SCARA5: variants seen among roughly 807,000 people sequenced by gnomAD.
The protein encoded by SCARA5 is scavenger receptor class A member 5, also known as scavenger receptor class A, member 5 (putative).
A neutral mutation model predicts 46.3 loss-of-function variants in SCARA5; 45 were observed. The observed-to-expected ratio is 0.97, with a 90% CI of 0.76 to 1.24. The LOEUF (loss-of-function observed/expected upper bound fraction) is 1.24. SCARA5 is among the 50% of genes most tolerant of loss of function. The probability of loss-of-function intolerance (pLI) is 0.00; values close to 1 mark genes in which losing one functional copy is unlikely to be tolerated. For synonymous variants in SCARA5, 333 were observed against 306.5 expected (o/e 1.09, Z -0.90); for missense variants, 680 against 689.0 (o/e 0.99, Z 0.15).
intron 7 of SCARA5, among the ~76,000 whole-genome samples, chr8:27,896,917 C>A (rs566217233): frequency 6.6e-6 from 1 of 152,072 alleles, no homozygotes; most frequent in Non-Finnish European, 1.5e-5. Context: ...CATGGTGAAA[C>A]CCTGCCTCTA....
chr8:27,896,807 G>T (rs1285283306), intron 7 of SCARA5, among the ~76,000 whole-genome samples: 1 of 152,136 alleles, frequency 6.6e-6, no homozygotes, highest in Admixed American at 6.5e-5. Context: ...AAGAAAAGAG[G>T]CTGAGGCTGG....
intron 8 of SCARA5, among the ~76,000 whole-genome samples, chr8:27,875,562 G>A (rs1326091385): frequency 6.6e-6 from 1 of 152,166 alleles, no homozygotes; most frequent in Non-Finnish European, 1.5e-5. Flanking sequence ...TCCAGCAGGA[G>A]GAGCAGCACA....
At chr8:27,916,308 T>C (rs1480498463) in intron 4 of SCARA5, among the ~76,000 whole-genome samples, 3 of 152,240 alleles carry the variant, frequency 2.0e-5, no homozygotes, top group East Asian at 1.9e-4. Flanking sequence ...TGTGTATATG[T>C]ATGTGCATAT....
intron 7 of SCARA5, among the ~76,000 whole-genome samples, chr8:27,882,987 C>T (rs2129680275): frequency 6.6e-6 from 1 of 152,304 alleles, no homozygotes; most frequent in Admixed American, 6.5e-5. Flanking sequence ...CACTGCAGGA[C>T]TGTCATGCAA....
chr8:27,931,308 T>C (rs1807769302), intron 3 of SCARA5, among the ~76,000 whole-genome samples: 1 of 152,206 alleles, frequency 6.6e-6, no homozygotes, highest in African/African-American at 2.4e-5. Flanking sequence ...GTGATGAATT[T>C]ATCTCTGAAT....
At chr8:27,878,932 TAAG>T (rs1385411704) in intron 8 of SCARA5, among the ~76,000 whole-genome samples, 1 of 151,994 alleles carries the variant, frequency 6.6e-6, no homozygotes, top group Non-Finnish European at 1.5e-5. Flanking sequence ...CTATTAAAAA[TAAG>T]AAGAAAAGTT....
At chr8:27,890,900 G>A (rs77213215) in intron 7 of SCARA5, among the ~76,000 whole-genome samples, 2,850 of 152,288 alleles carry the variant, frequency 0.019, 122 homozygotes, top group East Asian at 0.15. Context: ...AAAATGCTGC[G>A]AGGCAGTTCC....
chr8:27,912,111 A>T (rs1342171204), intron 4 of SCARA5, among the ~76,000 whole-genome samples: 1 of 152,238 alleles, frequency 6.6e-6, no homozygotes, highest in Non-Finnish European at 1.5e-5. Flanking sequence ...ACTGTGAGAA[A>T]ATAAGCTTCT....
intron 8 of SCARA5, among the ~76,000 whole-genome samples, chr8:27,874,106 G>A (rs1289613392): frequency 2.0e-5 from 3 of 152,186 alleles, no homozygotes; most frequent in African/African-American, 4.8e-5. Flanking sequence ...CCATTCTGAT[G>A]AACAGAAAGA....
chr8:27,901,359 C>A (rs1313185243), intron 7 of SCARA5, among the ~76,000 whole-genome samples: 1 of 152,164 alleles, frequency 6.6e-6, no homozygotes, highest in East Asian at 1.9e-4. Flanking sequence ...TGGTTAGCGG[C>A]TCTTCCCGCA....
intron 2 of SCARA5, among the ~76,000 whole-genome samples, chr8:27,975,533 G>T (rs1808509694): frequency 6.6e-6 from 1 of 152,118 alleles, no homozygotes; most frequent in Non-Finnish European, 1.5e-5. Context: ...GCTACCACCA[G>T]GTGCATCGCA....
At chr8:27,909,791 C>T (rs891265460) in intron 4 of SCARA5, 48 bp from the exon 5 acceptor site, 3 of 1,272,116 alleles carry the variant, frequency 2.4e-6, no homozygotes, top group East Asian at 5.2e-5. Flanking sequence ...CCTTCTGAAA[C>T]AGGACCAGGT....
rs772573875 is a variant in SCARA5, at chr8:27,941,728, T to G, written c.242-19483A>C. 2.5e-4 allele frequency among the ~76,000 whole-genome samples: 38 copies of G among 151,800 alleles called. 2 individuals carry two copies. The highest frequency in any genetic ancestry group is 1.9e-4 in the Non-Finnish European group (13 of 67,974). ...CAAACAGATGTATAGAGCTTTACAT[T>G]TCACAAAGCACTGCTGTGGACATCA... On this transcript the variant is annotated intron_variant, in intron 3 of 8. Coordinates refer to ENST00000354914, the MANE Select transcript of SCARA5 (RefSeq NM_173833.6).
chr8:27,949,958 T>G (rs555771890), intron 3 of SCARA5, among the ~76,000 whole-genome samples: 2 of 152,324 alleles, frequency 1.3e-5, no homozygotes, highest in African/African-American at 4.8e-5. Context: ...CTGCTAAGCA[T>G]GAACAAGCAG....
chr8:27,903,940 G>A (rs1298879603), intron 7 of SCARA5, among the ~76,000 whole-genome samples: 2 of 152,178 alleles, frequency 1.3e-5, no homozygotes, highest in Non-Finnish European at 2.9e-5. Context: ...CACATGCTGG[G>A]TTTGGTGTTT....
At chr8:27,945,038 G>T (rs898381603) in intron 3 of SCARA5, among the ~76,000 whole-genome samples, 1 of 151,998 alleles carries the variant, frequency 6.6e-6, no homozygotes, top group Non-Finnish European at 1.5e-5. Context: ...GGTGGTATAG[G>T]CCTGTAGTGC....
intron 7 of SCARA5, among the ~76,000 whole-genome samples, chr8:27,900,789 GTT>G (rs1160056178): frequency 0.014 from 1,777 of 127,134 alleles, 39 homozygotes; most frequent in African/African-American, 0.049. Context: ...TACGTAGCGG[GTT>G]TTTTTTTTTT....
chr8:27,915,925 TGC>T (rs150648947), intron 4 of SCARA5, among the ~76,000 whole-genome samples: 82,850 of 151,604 alleles, frequency 0.55, 23,452 homozygotes, highest in Non-Finnish European at 0.63. Context: ...CCTTCTGGGC[TGC>T]CTCCCCTCTC....
At chr8:27,881,537 A>C (rs951153366) in intron 7 of SCARA5, among the ~76,000 whole-genome samples, 1 of 151,832 alleles carries the variant, frequency 6.6e-6, no homozygotes, top group African/African-American at 2.4e-5. Flanking sequence ...GGAGGGGAGA[A>C]GAGGGGTAAG....
Sources: allele counts gnomAD v4.1 joint callset (sites outside exome capture counted in the v4.1 genomes callset), GRCh38; gene constraint gnomAD v4.1.1; transcripts MANE v1.5; gene names NCBI Gene and HGNC (gene_info 2026-07-23, HGNC 2026-07-21).